The following GRAMD1B variants were observed in gnomAD, a reference collection of about 807,000 sequenced individuals.
GRAMD1B encodes the protein GRAM domain containing 1B.
A neutral mutation model predicts 99.7 loss-of-function variants in GRAMD1B; 37 were observed. The observed-to-expected ratio is 0.37, with a 90% CI of 0.29 to 0.49. The LOEUF (loss-of-function observed/expected upper bound fraction) is 0.49, where lower values mean the gene tolerates loss of function less well. Among genes scored for constraint, GRAMD1B ranks in the 20% least tolerant of loss-of-function variants. The pLI, the probability that GRAMD1B is intolerant of heterozygous loss-of-function variation, is 0.98. For synonymous variants in GRAMD1B, 427 were observed against 387.6 expected (o/e 1.10, Z -1.19); for missense variants, 888 against 1,009.2 (o/e 0.88, Z 1.63).
At chr11:123,548,349 C>CACACACACACAT (rs1184195342) in intron 2 of GRAMD1B, among the ~76,000 whole-genome samples, 8 of 107,750 alleles carry the variant, frequency 7.4e-5, no homozygotes, top group African/African-American at 3.7e-4. Context: ...CACACACACA[C>CACACACACACAT]ATATATATAT....
rs189315835 is a variant in GRAMD1B at position 123,607,465 on chromosome 11, C to T, written c.1513+667C>T. Reference sequence around the variant, plus strand: ...GTTATGACTGGTGAGCATATGAGCACGGTGCTCACTTGTGGATCTGTGGAC... The same window carrying T: ...GTTATGACTGGTGAGCATATGAGCATGGTGCTCACTTGTGGATCTGTGGAC... On this transcript the variant is annotated intron_variant, in intron 11 of 19. Coordinates refer to ENST00000635736, the MANE Select transcript of GRAMD1B (RefSeq NM_001387025.1). Among the ~76,000 whole-genome samples, 280 of 152,316 alleles carry T rather than the reference C, an allele frequency of 1.8e-3. 1 individual carries two copies. Among genetic ancestry groups the T allele is most frequent in the Non-Finnish European group, 3.0e-3 (201 of 68,022 alleles).
At position 123,610,598 on chromosome 11, in the gene GRAMD1B, A is replaced by AT. The variant is rs1232002514; in HGVS notation, c.1919+260_1919+261insT. 6.6e-6 allele frequency among the ~76,000 whole-genome samples: 1 copy of AT among 152,220 alleles called. No individual in the cohort carries two copies. Among genetic ancestry groups the AT allele is most frequent in the Non-Finnish European group, 1.5e-5 (1 of 68,040 alleles). On this transcript the variant is annotated intron_variant, in intron 14 of 19. Transcript: ENST00000635736. This position sits in a 1 kb window ranked among gnomAD's most constrained non-coding sequence, Gnocchi z 4.1. ...GTCTGTGGCTTATACAGTATAGTGT[A>AT]GGCGCTTTACCTACATTCACTGGAG...
chr11:123,530,493 G>T (rs982844641), intron 2 of GRAMD1B, among the ~76,000 whole-genome samples: 3 of 152,128 alleles, frequency 2.0e-5, no homozygotes, highest in African/African-American at 4.8e-5. Flanking sequence ...TGATTCTCCT[G>T]CCTCAGCATC....
intron 4 of GRAMD1B, 137 bp downstream of exon 4, chr11:123,584,469 G>C (rs942556317): frequency 1.2e-5 from 1 of 84,730 alleles, no homozygotes; most frequent in African/African-American, 4.2e-5. Context: ...TCCTAAACCA[G>C]CTGCAGCGGT....
At chr11:123,561,410 G>T (rs1487658764) in intron 2 of GRAMD1B, among the ~76,000 whole-genome samples, 1 of 152,232 alleles carries the variant, frequency 6.6e-6, no homozygotes, top group East Asian at 1.9e-4. Context: ...GAAAGGGGAA[G>T]TTGATAGCTC....
At chr11:123,527,591 T>G (rs1406980672) in intron 2 of GRAMD1B, among the ~76,000 whole-genome samples, 1 of 152,122 alleles carries the variant, frequency 6.6e-6, no homozygotes, top group Non-Finnish European at 1.5e-5. Flanking sequence ...GGGAGGCTAT[T>G]AGCAGTGTTT....
rs1348264092 is a variant in GRAMD1B, at chr11:123,607,541, C to A, written c.1513+743C>A. ...GGTTTTCTAACTTTTGGTTGGTTTACCCACCCCCATCTAGAGTCCAGGGTT... is the reference window on the plus strand; with the variant it reads ...GGTTTTCTAACTTTTGGTTGGTTTAACCACCCCCATCTAGAGTCCAGGGTT... On this transcript the variant is annotated intron_variant, in intron 11 of 19. Transcript: ENST00000635736. Among the ~76,000 whole-genome samples the A allele has an allele frequency of 2.6e-5, 4 of 152,194 alleles. No homozygotes were observed. In the East Asian group the frequency reaches 7.7e-4, roughly 29 times the overall value.
intron 1 of GRAMD1B, among the ~76,000 whole-genome samples, chr11:123,368,679 C>CAAAAAAA (rs58877377): frequency 1.5e-4 from 12 of 78,000 alleles, no homozygotes; most frequent in Admixed American, 5.9e-4. Context: ...GACTCTGTCT[C>CAAAAAAA]AAAAAAAAAA....
chr11:123,432,354 C>T (rs929686738), intron 1 of GRAMD1B, among the ~76,000 whole-genome samples: 5 of 151,810 alleles, frequency 3.3e-5, no homozygotes, highest in Non-Finnish European at 7.4e-5. Context: ...GTCAGGAGTT[C>T]GAGACCACCC....
At chr11:123,500,759 G>A (rs1279748055) in intron 2 of GRAMD1B, among the ~76,000 whole-genome samples, 3 of 151,716 alleles carry the variant, frequency 2.0e-5, no homozygotes, top group East Asian at 1.9e-4. Flanking sequence ...TGCAACCTCT[G>A]TCTCCCAGGG....
intron 1 of GRAMD1B, among the ~76,000 whole-genome samples, chr11:123,463,654 GC>G (rs1335676378): frequency 4.6e-5 from 7 of 152,166 alleles, no homozygotes; most frequent in African/African-American, 1.7e-4. Context: ...CTCTGGGTCA[GC>G]AGAGAAAAAA....
chr11:123,487,251 A>G lies in GRAMD1B; in HGVS notation c.452+6358A>G, dbSNP rs112612989. Among the ~76,000 whole-genome samples, 184 of 152,270 alleles carry G rather than the reference A, an allele frequency of 1.2e-3. 1 individual carries two copies. The highest frequency in any genetic ancestry group is 4.1e-3 in the African/African-American group (170 of 41,558). On this transcript the variant is annotated intron_variant, in intron 2 of 19. Coordinates refer to ENST00000635736, the MANE Select transcript of GRAMD1B (RefSeq NM_001387025.1). ...AATTAAACTTGCCCCAGAGAAACAC[A>G]GCTACTCTGGGGTGAGGGCAGGGGT... is the stretch of plus-strand genomic sequence containing the variant.
rs1469189600 is a variant in GRAMD1B at position 123,430,904 on chromosome 11, C to G, written c.112C>G (p.Leu38Val). The change falls in exon 1 of 20, where the codon CTT becomes GTT. Residue 38 changes from leucine to valine, a missense_variant. Leu to Val is a conservative substitution (Grantham distance 32, BLOSUM62 1). This residue lies in a region of GRAMD1B where 233 missense variants were observed against 154.6 expected (regional missense o/e 1.51). Coordinates refer to ENST00000635736, the MANE Select transcript of GRAMD1B (RefSeq NM_001387025.1). ...PVWSSSSTPT[L>V]RRRRFKMRRM... ...CTGGTCCAGTTCGTCGACCCCCACG[C>G]TTCGCCGCCGGCGCTTCAAGATGCG... The G allele has an allele frequency of 1.4e-6, 1 of 702,678 alleles. No homozygotes were observed. The highest frequency in any genetic ancestry group is 1.5e-5 in the South Asian group (1 of 67,602). The allele number at this position is 702,678 out of a possible 1,614,324, so 43.5% of individuals were successfully genotyped here.
Position 123,606,621 on chromosome 11 carries a change from C to A in GRAMD1B, c.1336C>A (p.Pro446Thr), listed in dbSNP as rs373808855. The change falls in exon 11 of 20, where the codon CCC becomes ACC. Residue 446 changes from proline to threonine, a missense_variant. Coordinates refer to ENST00000635736, the MANE Select transcript of GRAMD1B (RefSeq NM_001387025.1). The part of the protein sequence containing the change: ...SEAPVSFDGL[P>T]LEEEALEGDG... Reference sequence around the variant, plus strand: ...GTCTTGGCTCCAGTTTGATGGGCTGCCCCTGGAGGAAGAGGCGCTGGAGGG... The same window carrying A: ...GTCTTGGCTCCAGTTTGATGGGCTGACCCTGGAGGAAGAGGCGCTGGAGGG... The A allele has an allele frequency of 1.9e-6, 3 of 1,610,076 alleles. No homozygotes were observed. In the South Asian group the frequency reaches 3.3e-5, roughly 18 times the overall value.
intron 1 of GRAMD1B, among the ~76,000 whole-genome samples, chr11:123,363,606 G>T (rs936630882): frequency 1.2e-4 from 18 of 151,040 alleles, no homozygotes; most frequent in African/African-American, 3.4e-4. Flanking sequence ...CACTGGGTTT[G>T]GTTCCAGACT....
intron 2 of GRAMD1B, among the ~76,000 whole-genome samples, chr11:123,576,726 A>C (rs117109832): frequency 3.3e-3 from 501 of 152,292 alleles, no homozygotes; most frequent in Non-Finnish European, 5.9e-3. Flanking sequence ...ACAAGGAAAT[A>C]ATATGGTGTG....
chr11:123,478,125 C>T, intron 1 of GRAMD1B, among the ~76,000 whole-genome samples: 1 of 152,092 alleles, frequency 6.6e-6, no homozygotes, highest in South Asian at 2.1e-4. Context: ...CTTCCTTCCT[C>T]CCACCACAGT....
chr11:123,570,079 T>A (rs1947892938), intron 2 of GRAMD1B, among the ~76,000 whole-genome samples: 2 of 152,246 alleles, frequency 1.3e-5, no homozygotes, highest in South Asian at 4.1e-4. Context: ...TGTAAACAGG[T>A]CTCTGTCACT....
Position 123,561,881 on chromosome 11 carries a change from C to T in GRAMD1B, c.453-15486C>T, listed in dbSNP as rs543976474. Among the ~76,000 whole-genome samples, 204 of 152,248 alleles carry T rather than the reference C, an allele frequency of 1.3e-3. No individual in the cohort carries two copies. The Middle Eastern group carries it at 0.014, about 10-fold the overall frequency. Reference sequence around the variant, plus strand: ...GAAAGGGATGATTTTGGGAGCCACCCGGAGCAGGAGATTGATAATGTCAAG... The same window carrying T: ...GAAAGGGATGATTTTGGGAGCCACCTGGAGCAGGAGATTGATAATGTCAAG... On this transcript the variant is annotated intron_variant, in intron 2 of 19. Coordinates refer to ENST00000635736, the MANE Select transcript of GRAMD1B (RefSeq NM_001387025.1).
Sources: allele counts gnomAD v4.1 joint callset (sites outside exome capture counted in the v4.1 genomes callset), GRCh38; gene constraint gnomAD v4.1.1; regional missense constraint gnomAD v4.1.1; non-coding constraint Gnocchi (gnomAD v3.1); transcripts MANE v1.5; gene names NCBI Gene and HGNC (gene_info 2026-07-23, HGNC 2026-07-21).